Variants in RAP1GAP2 observed in about 807,000 individuals in gnomAD.
RAP1GAP2 encodes rap1 GTPase-activating protein 2.
A neutral mutation model predicts 95.0 loss-of-function variants in RAP1GAP2; 27 were observed. The observed-to-expected ratio is 0.28, with a 90% CI of 0.21 to 0.39. RAP1GAP2 has a LOEUF of 0.39. Ranked by LOEUF, RAP1GAP2 falls within the 10% of genes least tolerant of loss-of-function variation. The pLI is 1.00. For synonymous variants in RAP1GAP2, 373 were observed against 380.9 expected (o/e 0.98, Z 0.24); for missense variants, 771 against 970.0 (o/e 0.79, Z 2.72).
chr17:2,939,014 C>CA (rs2043391769), intron 3 of RAP1GAP2, among the ~76,000 whole-genome samples: 1 of 152,158 alleles, frequency 6.6e-6, no homozygotes, highest in Non-Finnish European at 1.5e-5. Flanking sequence ...AAAAAAAATG[C>CA]TTCAGGCTGT....
chr17:2,862,368 G>A (rs1380022982), intron 2 of RAP1GAP2, among the ~76,000 whole-genome samples: 1 of 152,128 alleles, frequency 6.6e-6, no homozygotes, highest in Non-Finnish European at 1.5e-5. Flanking sequence ...AGCTTGTGTG[G>A]TGCACAGATG....
rs897201828 is a variant in RAP1GAP2, at chr17:2,797,250, C to T, written c.44+679C>T. Among the ~76,000 whole-genome samples, 14 of 152,186 alleles carry T rather than the reference C, an allele frequency of 9.2e-5. No homozygotes were observed. The highest frequency in any genetic ancestry group is 3.1e-4 in the African/African-American group (13 of 41,442). On this transcript the variant is annotated intron_variant, in intron 1 of 24. Transcript: ENST00000254695. The surrounding 1 kb of genome is among the most constrained non-coding windows in gnomAD (Gnocchi z 5.6). ...TAGCCTGAGCAGCTGCATCTGTCCCCAGCCTCCTGCCTGGCCCTCTGGACA... is the reference window on the plus strand; with the variant it reads ...TAGCCTGAGCAGCTGCATCTGTCCCTAGCCTCCTGCCTGGCCCTCTGGACA...
chr17:2,867,205 T>C lies in RAP1GAP2; in HGVS notation c.81-38079T>C, dbSNP rs2072651368. Among the ~76,000 whole-genome samples the C allele has an allele frequency of 6.6e-6, 1 of 152,186 alleles. No individual in the cohort carries two copies. Among genetic ancestry groups the C allele is most frequent in the Non-Finnish European group, 1.5e-5 (1 of 68,042 alleles). On this transcript the variant is annotated intron_variant, in intron 2 of 24. Transcript: ENST00000254695. This position sits in a 1 kb window ranked among gnomAD's most constrained non-coding sequence, Gnocchi z 4.5. ...GTGAGCCACCGTGCCTGGCCTCTGA[T>C]TGGTCATTTAGCTGATTTAGTCAAG...
Position 2,802,665 on chromosome 17 carries a change from C to T in RAP1GAP2, c.80+2115C>T, listed in dbSNP as rs372905283. Among the ~76,000 whole-genome samples the T allele has an allele frequency of 1.4e-4, 22 of 152,104 alleles. 1 individual carries two copies. The South Asian group carries it at 3.1e-3, about 22-fold the overall frequency. ...GGTGGAGGTTGCAGTGAGGCGAGATCGCACCACAGCCTGGGAGACAAGAGT... is the reference window on the plus strand; with the variant it reads ...GGTGGAGGTTGCAGTGAGGCGAGATTGCACCACAGCCTGGGAGACAAGAGT... On this transcript the variant is annotated intron_variant, in intron 2 of 24. Coordinates refer to ENST00000254695, the MANE Select transcript of RAP1GAP2 (RefSeq NM_015085.5).
intron 1 of RAP1GAP2, among the ~76,000 whole-genome samples, chr17:2,786,060 C>G (rs911318213): frequency 6.6e-6 from 1 of 152,052 alleles, no homozygotes; most frequent in African/African-American, 2.4e-5. Flanking sequence ...TGCCACCATG[C>G]CTGGCTAATT....
rs766023650 is a variant in RAP1GAP2 at position 2,905,294 on chromosome 17, C to T, written c.91C>T (p.Leu31=). 3.1e-6 allele frequency: 5 copies of T among 1,613,714 alleles called. No homozygotes were observed. The highest frequency in any genetic ancestry group is 3.3e-4 in the Middle Eastern group (2 of 6,058). ...LASLKVKKQE[L]ANSSDATLPD... ...TTGGCCTCTTCACAGGAAGCAGGAG[C>T]TGGCCAACAGCTCGGATGCGACCCT... Residue 31 remains leucine, a synonymous_variant, in exon 3 of 25, where the codon CTG becomes TTG. Transcript: ENST00000254695.
intron 2 of RAP1GAP2, among the ~76,000 whole-genome samples, chr17:2,844,155 G>A (rs1177199910): frequency 1.3e-5 from 2 of 151,982 alleles, no homozygotes; most frequent in East Asian, 3.9e-4. Flanking sequence ...GGAGTAGCTG[G>A]GACTACAGGC....
rs1470111394 is a variant in RAP1GAP2 at position 2,857,609 on chromosome 17, C to A, written c.81-47675C>A. On this transcript the variant is annotated intron_variant, in intron 2 of 24. Transcript: ENST00000254695. The surrounding 1 kb of genome is among the most constrained non-coding windows in gnomAD (Gnocchi z 4.0). Reference sequence around the variant, plus strand: ...GGATCCTGTAAAAGCAGTGGCGTGTCTGAGAGGGGATTGGGTTTGAGTATG... The same window carrying A: ...GGATCCTGTAAAAGCAGTGGCGTGTATGAGAGGGGATTGGGTTTGAGTATG... Among the ~76,000 whole-genome samples, 1 of 152,144 alleles carries A rather than the reference C, an allele frequency of 6.6e-6. No homozygotes were observed. The highest frequency in any genetic ancestry group is 2.4e-5 in the African/African-American group (1 of 41,422).
intron 2 of RAP1GAP2, among the ~76,000 whole-genome samples, chr17:2,801,501 AT>A (rs1037239093): frequency 6.0e-4 from 91 of 151,076 alleles, no homozygotes; most frequent in African/African-American, 2.1e-3. Context: ...AGATAATTAC[AT>A]TTTTTATCAC....
chr17:2,944,161 C>CAAAAAAAA (rs36063732), intron 3 of RAP1GAP2, among the ~76,000 whole-genome samples: 6 of 81,800 alleles, frequency 7.3e-5, no homozygotes, highest in Admixed American at 1.5e-4. Flanking sequence ...ACAGCAAAAC[C>CAAAAAAAA]AAAAAAAAAA....
intron 1 of RAP1GAP2, among the ~76,000 whole-genome samples, chr17:2,778,862 G>T (rs552528417): frequency 6.6e-6 from 1 of 152,340 alleles, no homozygotes; most frequent in African/African-American, 2.4e-5. Context: ...CCACTCTCCT[G>T]GGCGGTGTTC....
upstream of RAP1GAP2, among the ~76,000 whole-genome samples, chr17:2,776,901 C>T (rs956464749): frequency 2.0e-5 from 3 of 151,968 alleles, no homozygotes; most frequent in African/African-American, 7.2e-5. Context: ...ACTGAGGTGC[C>T]CTTCGCTCCG....
At chr17:2,853,187 A>T (rs1254009178) in intron 2 of RAP1GAP2, among the ~76,000 whole-genome samples, 7 of 151,722 alleles carry the variant, frequency 4.6e-5, no homozygotes, top group Admixed American at 2.0e-4. Flanking sequence ...CGGGGGCAGA[A>T]TTCCGCCTCG....
intron 1 of RAP1GAP2, among the ~76,000 whole-genome samples, chr17:2,768,098 C>T (rs117438485): frequency 5.5e-4 from 84 of 152,206 alleles, no homozygotes; most frequent in Non-Finnish European, 1.1e-3. Flanking sequence ...GTGCATGGGT[C>T]GCCCTCAGTC....
intron 2 of RAP1GAP2, among the ~76,000 whole-genome samples, chr17:2,876,520 G>C (rs1414791406): frequency 6.6e-6 from 1 of 152,178 alleles, no homozygotes; most frequent in Non-Finnish European, 1.5e-5. Context: ...AGTTCATTGA[G>C]TGAGTTTATC....
At chr17:2,779,434 C>G (rs1200093115) in intron 1 of RAP1GAP2, among the ~76,000 whole-genome samples, 1 of 152,144 alleles carries the variant, frequency 6.6e-6, no homozygotes, top group Non-Finnish European at 1.5e-5. Context: ...CTCTAAAGAC[C>G]CCTCCCGGTC....
intron 2 of RAP1GAP2, among the ~76,000 whole-genome samples, chr17:2,890,516 G>C (rs1384593676): frequency 6.6e-6 from 1 of 152,054 alleles, no homozygotes; most frequent in Non-Finnish European, 1.5e-5. Context: ...ACTGCTGGGG[G>C]ATTTCTTAGC....
At chr17:2,842,725 C>T (rs1483171928) in intron 2 of RAP1GAP2, among the ~76,000 whole-genome samples, 1 of 151,892 alleles carries the variant, frequency 6.6e-6, no homozygotes, top group Non-Finnish European at 1.5e-5. Flanking sequence ...GTGTGAGCAT[C>T]CTTTAGACGC....
chr17:2,878,907 A>C lies in RAP1GAP2; in HGVS notation c.81-26377A>C, dbSNP rs1411907887. 3.9e-5 allele frequency among the ~76,000 whole-genome samples: 6 copies of C among 152,150 alleles called. 1 individual carries two copies. The highest frequency in any genetic ancestry group is 7.4e-5 in the Non-Finnish European group (5 of 68,022). On this transcript the variant is annotated intron_variant, in intron 2 of 24. Coordinates refer to ENST00000254695, the MANE Select transcript of RAP1GAP2 (RefSeq NM_015085.5). ...GGTTTTCTCATCCGTGTGATGGGGT[A>C]ATAATAGTGCCCTCTTCCCGTGACG...
Sources: allele counts gnomAD v4.1 joint callset (sites outside exome capture counted in the v4.1 genomes callset), GRCh38; gene constraint gnomAD v4.1.1; non-coding constraint Gnocchi (gnomAD v3.1); transcripts MANE v1.5; gene names NCBI Gene and HGNC (gene_info 2026-07-23, HGNC 2026-07-21).